The following SP100 variants were observed in gnomAD, a reference collection of about 807,000 sequenced individuals.
SP100 encodes the protein SP100 nuclear body protein.
A neutral mutation model predicts 130.0 loss-of-function variants in SP100; 84 were observed. The ratio of observed to expected loss-of-function variants is 0.65; its 90% CI spans 0.54 to 0.77. SP100 has a LOEUF of 0.77. SP100 is among the 30% of genes least tolerant of loss of function. The pLI is 0.00. For missense variants in SP100, 978 were observed against 1,052.2 expected (o/e 0.93, Z 0.97); for synonymous variants, 331 against 351.7 (o/e 0.94, Z 0.66).
intron 17 of SP100, among the ~76,000 whole-genome samples, chr2:230,491,495 C>T (rs1412256922): frequency 6.6e-6 from 1 of 152,214 alleles, no homozygotes; most frequent in Non-Finnish European, 1.5e-5. Flanking sequence ...ATCTTGGGAC[C>T]AAGCCATCCA....
At chr2:230,447,364 G>A (rs924941110) in intron 5 of SP100, among the ~76,000 whole-genome samples, 24 of 152,282 alleles carry the variant, frequency 1.6e-4, no homozygotes, top group African/African-American at 5.5e-4. Flanking sequence ...ATTCTCTGTA[G>A]ATACCATCTG....
chr2:230,439,770 T>G (rs2149894947), intron 2 of SP100, among the ~76,000 whole-genome samples: 1 of 152,172 alleles, frequency 6.6e-6, no homozygotes. Context: ...TGGTGAACAG[T>G]GACTCAAGTT....
rs1203705772 is a variant in SP100, at chr2:230,446,732, G to A, written c.440-87G>A. The A allele has an allele frequency of 6.2e-6, 5 of 810,654 alleles. No individual in the cohort carries two copies. The African/African-American group carries it at 8.7e-5, about 14-fold the overall frequency. 50.2% of individuals were successfully genotyped at this position (810,654 alleles called of 1,614,324 possible). A position where few individuals can be genotyped will look rare whatever the true frequency, so the allele number is the denominator to read the frequency against. The stretch of plus-strand genomic sequence containing the variant: ...CCTCTGAGCTCTGAGTCACCCAAGG[G>A]CTGGAAATTCCTAAAAGCATGATTT... On this transcript the variant is annotated intron_variant, in intron 4 of 28. Transcript: ENST00000340126.
intron 18 of SP100, 28 bp from the exon 19 acceptor site, chr2:230,498,433 C>A: frequency 7.4e-7 from 1 of 1,354,850 alleles, no homozygotes; most frequent in Non-Finnish European, 1.0e-6. Flanking sequence ...TTTACACCAT[C>A]CATATTTATA....
intron 17 of SP100, among the ~76,000 whole-genome samples, chr2:230,484,168 A>G (rs1480206750): frequency 1.3e-5 from 2 of 152,222 alleles, no homozygotes; most frequent in Non-Finnish European, 2.9e-5. Flanking sequence ...CACTAAATAG[A>G]CCACAAACGG....
At chr2:230,451,248 T>C (rs1392415914) in intron 8 of SP100, among the ~76,000 whole-genome samples, 1 of 152,236 alleles carries the variant, frequency 6.6e-6, no homozygotes, top group African/African-American at 2.4e-5. Context: ...CAATTTACAT[T>C]CCCACCAACA....
In SP100 at chr2:230,416,212, G is replaced by C; in HGVS notation, c.-85G>C. The C allele has an allele frequency of 2.8e-6, 3 of 1,087,332 alleles. No individual in the cohort carries two copies. The highest frequency in any genetic ancestry group is 2.6e-5 in the South Asian group (2 of 76,520). The allele number at this position is 1,087,332 out of a possible 1,614,324, so 67.4% of individuals were successfully genotyped here. On this transcript the variant is annotated 5_prime_UTR_variant, in exon 1 of 29. Transcript: ENST00000340126. ...TCGGCCGACTTCCTGCTTGGGGCCT[G>C]GGCAGCCACACTGCACGCAGGCTGG...
intron 24 of SP100, among the ~76,000 whole-genome samples, chr2:230,534,478 A>G (rs1473240673): frequency 1.3e-5 from 2 of 152,256 alleles, no homozygotes; most frequent in African/African-American, 4.8e-5. Context: ...GTAATATCAA[A>G]TGTCTTAAAA....
chr2:230,500,707 T>G (rs1300096276), intron 19 of SP100, among the ~76,000 whole-genome samples: 3 of 152,114 alleles, frequency 2.0e-5, no homozygotes, highest in Non-Finnish European at 4.4e-5. Context: ...CCAGTTTTCC[T>G]GGGTGCACCT....
chr2:230,431,398 C>G (rs1332255510), intron 2 of SP100, among the ~76,000 whole-genome samples: 1 of 152,218 alleles, frequency 6.6e-6, no homozygotes, highest in Non-Finnish European at 1.5e-5. Flanking sequence ...CTGTGCCAGC[C>G]TGGGGTAGGA....
chr2:230,497,695 G>A (rs571154745), intron 18 of SP100, among the ~76,000 whole-genome samples: 1 of 152,254 alleles, frequency 6.6e-6, no homozygotes, highest in African/African-American at 2.4e-5. Flanking sequence ...CCCATCACCT[G>A]CTGAATCTAA....
intron 24 of SP100, among the ~76,000 whole-genome samples, chr2:230,533,032 C>T (rs569273588): frequency 7.9e-5 from 12 of 152,294 alleles, no homozygotes; most frequent in Admixed American, 7.2e-4. Context: ...CCACCTGCCC[C>T]GGCCTCCCAA....
intron 2 of SP100, among the ~76,000 whole-genome samples, chr2:230,432,271 A>G (rs1354410870): frequency 6.6e-6 from 1 of 151,928 alleles, no homozygotes. Flanking sequence ...TATCAATGGT[A>G]TTTTTTCATT....
At chr2:230,515,191 A>T (rs755174916) in intron 24 of SP100, 70 of 1,613,444 alleles carry the variant, frequency 4.3e-5, no homozygotes, top group Non-Finnish European at 5.8e-5. Context: ...TGCTAAAGAG[A>T]AAGGAAAATT....
At chr2:230,530,880 C>T (rs182347357) in intron 24 of SP100, among the ~76,000 whole-genome samples, 2,131 of 152,230 alleles carry the variant, frequency 0.014, 44 homozygotes, top group African/African-American at 0.049. Context: ...TACCATCTCA[C>T]GCCAGGTAGA....
chr2:230,463,766 C>T (rs2064788487), intron 10 of SP100: 2 of 190,518 alleles, frequency 1.0e-5, no homozygotes, highest in African/African-American at 4.7e-5. Context: ...GGTCCCCCTG[C>T]ATGAAAAATA....
At chr2:230,515,649 T>C (rs1264194647) in intron 24 of SP100, 4 of 1,591,714 alleles carry the variant, frequency 2.5e-6, no homozygotes, top group Non-Finnish European at 3.4e-6. Flanking sequence ...AAGTTGCTTC[T>C]AGTGCAGTTT....
chr2:230,473,221 CT>C, intron 15 of SP100, 102 bp from the exon 16 acceptor site: 1 of 710,788 alleles, frequency 1.4e-6, no homozygotes, highest in Non-Finnish European at 2.5e-6. Context: ...GAGCCCATCC[CT>C]TAATTTAGCT....
chr2:230,488,834 C>T (rs554989542), intron 17 of SP100, among the ~76,000 whole-genome samples: 2 of 152,218 alleles, frequency 1.3e-5, no homozygotes, highest in East Asian at 3.8e-4. Flanking sequence ...TATTGATCTA[C>T]ATATGTTGAA....
Sources: gnomAD v4.1 joint callset for allele counts (sites outside exome capture counted in the v4.1 genomes callset) on GRCh38, gnomAD v4.1.1 for gene constraint, MANE v1.5 for transcripts, NCBI Gene and HGNC (gene_info 2026-07-23, HGNC 2026-07-21) for gene names.